DMD: variants seen among roughly 807,000 people sequenced by gnomAD.
DMD encodes mutant dystrophin.
Under a neutral mutation model 330.1 loss-of-function variants are expected in DMD, and 63 were observed. The ratio of observed to expected loss-of-function variants is 0.19; its 90% CI spans 0.16 to 0.24. The LOEUF (loss-of-function observed/expected upper bound fraction) is 0.24. DMD is among the 10% of genes least tolerant of loss of function. DMD has a pLI of 1.00. For missense variants in DMD, 3,344 were observed against 2,684.1 expected, an observed-to-expected ratio of 1.25 and a Z score of -5.43; for synonymous variants, 1,223 against 959.8, an observed-to-expected ratio of 1.27 and a Z score of -5.07.
intron 5 of DMD, 63 bp downstream of exon 5, chrX:32,823,232 G>C: frequency 1.1e-6 from 1 of 927,763 alleles, no homozygotes; most frequent in Non-Finnish European, 1.6e-6. Context: ...CACACGTCAA[G>C]GGTAAAAATT....
chrX:31,380,081 A>G, intron 60 of DMD, among the ~76,000 whole-genome samples: 1 of 110,376 alleles, frequency 9.1e-6, no homozygotes, highest in South Asian at 3.9e-4. Flanking sequence ...ATCAATACGG[A>G]GGCTACCCAC....
intron 44 of DMD, among the ~76,000 whole-genome samples, chrX:32,110,204 C>T (rs111239538): frequency 1.0e-3 from 116 of 111,774 alleles, no homozygotes; most frequent in South Asian, 1.9e-3. Flanking sequence ...AACCTACACA[C>T]GAAGGTTTTG....
At chrX:32,335,811 ATATG>A (rs1282420039) in intron 41 of DMD, among the ~76,000 whole-genome samples, 1 of 105,919 alleles carries the variant, frequency 9.4e-6, no homozygotes, top group Non-Finnish European at 1.9e-5. Context: ...ACACGTGTAT[ATATG>A]TATAACATGT....
At chrX:32,376,703 A>G (rs2097904339) in intron 34 of DMD, among the ~76,000 whole-genome samples, 1 of 109,625 alleles carries the variant, frequency 9.1e-6, no homozygotes, top group South Asian at 3.8e-4. Context: ...AAATGAGTAT[A>G]GAGAATCCAA....
intron 55 of DMD, among the ~76,000 whole-genome samples, chrX:31,510,620 G>A (rs2071414330): frequency 9.5e-6 from 1 of 105,624 alleles, no homozygotes. Context: ...CCATTCTCCT[G>A]CCTCAGCCTC....
chrX:31,343,620 A>C (rs4344231), intron 61 of DMD, among the ~76,000 whole-genome samples: 2 of 69,172 alleles, frequency 2.9e-5, no homozygotes, highest in Non-Finnish European at 5.6e-5. Context: ...TGTGTGTGTG[A>C]GAGAGAGAGA....
At chrX:33,044,158 G>A (rs5927134) in intron 1 of DMD, among the ~76,000 whole-genome samples, 14,947 of 111,348 alleles carry the variant, frequency 0.13, 840 homozygotes, top group East Asian at 0.39. Flanking sequence ...GAGCCCAGGC[G>A]CAGTGGCTCA....
In DMD at chrX:32,683,388, C is replaced by T. The variant is rs747119028; in HGVS notation, c.960+14482G>A. The stretch of plus-strand genomic sequence containing the variant: ...ACTCACAATAGCAAAGACTTGGAAT[C>T]AACCCAAATGTCCAACAATGATAGA... On this transcript the variant is annotated intron_variant, in intron 9 of 78. Transcript: ENST00000357033. 6.4e-5 allele frequency among the ~76,000 whole-genome samples: 7 copies of T among 109,858 alleles called. No homozygotes were observed. In the East Asian group the frequency reaches 2.0e-3, roughly 32 times the overall value.
In DMD at chrX:32,572,278, C is replaced by T. The variant is rs181358244; in HGVS notation, c.1812+1252G>A. Among the ~76,000 whole-genome samples the T allele has an allele frequency of 1.5e-4, 17 of 110,999 alleles. No individual in the cohort carries two copies. In the East Asian group the frequency reaches 2.5e-3, roughly 17 times the overall value. On this transcript the variant is annotated intron_variant, in intron 15 of 78. Coordinates refer to ENST00000357033, the MANE Select transcript of DMD (RefSeq NM_004006.3). ...CAAATAAATAGCTGGTAAAATGGTACGTATTTAAAATGAGTGGAAAAATTT... is the reference window on the plus strand; with the variant it reads ...CAAATAAATAGCTGGTAAAATGGTATGTATTTAAAATGAGTGGAAAAATTT...
chrX:31,553,675 AT>A (rs2074630322), intron 55 of DMD, among the ~76,000 whole-genome samples: 1 of 112,518 alleles, frequency 8.9e-6, no homozygotes, highest in South Asian at 3.7e-4. Context: ...GTATCATGTA[AT>A]TGACATTGCA....
Position 32,816,505 on chromosome X carries a change from C to G in DMD, c.493G>C (p.Asp165His). 1 of 1,211,591 alleles carries G rather than the reference C, an allele frequency of 8.3e-7. No individual in the cohort carries two copies. Among genetic ancestry groups the G allele is most frequent in the Non-Finnish European group, 1.1e-6 (1 of 895,362 alleles). ...NVINFTTSWS[D>H]GLALNALIHS... ...ATGAGAGCATTCAAAGCCAGGCCAT[C>G]AGACCAGCTGGTGGTGAAGTTGATT... The change falls in exon 6 of 79, where the codon GAT becomes CAT. Residue 165 changes from aspartate to histidine, a missense_variant. Transcript: ENST00000357033.
chrX:32,651,488 T>C (rs6527211), intron 9 of DMD, among the ~76,000 whole-genome samples: 9,105 of 111,760 alleles, frequency 0.081, 350 homozygotes, highest in African/African-American at 0.15. Flanking sequence ...TTTTTCTTAA[T>C]TTCCACAAAT....
intron 44 of DMD, among the ~76,000 whole-genome samples, chrX:32,184,645 C>G (rs1201009863): frequency 9.0e-6 from 1 of 111,026 alleles, no homozygotes; most frequent in East Asian, 2.8e-4. Context: ...AAAGAGTTAG[C>G]AACCACTCTT....
intron 4 of DMD, among the ~76,000 whole-genome samples, chrX:32,830,921 C>T (rs758955235): frequency 1.8e-5 from 2 of 111,251 alleles, no homozygotes. Context: ...GTAAGAATTG[C>T]ACATAGAAAA....
At chrX:33,207,069 T>C (rs2051620330) in intron 1 of DMD, among the ~76,000 whole-genome samples, 1 of 110,858 alleles carries the variant, frequency 9.0e-6, no homozygotes, top group East Asian at 2.8e-4. Context: ...TCTCTCTATA[T>C]GAGGACACTT....
At chrX:32,794,920 C>T (rs1261788357) in intron 7 of DMD, among the ~76,000 whole-genome samples, 1 of 111,725 alleles carries the variant, frequency 9.0e-6, no homozygotes, top group Admixed American at 9.5e-5. Context: ...CTATTTACAA[C>T]GGCTGGAAAT....
At chrX:32,009,075 G>A (rs954211140) in intron 44 of DMD, among the ~76,000 whole-genome samples, 3 of 111,333 alleles carry the variant, frequency 2.7e-5, no homozygotes, top group Non-Finnish European at 5.7e-5. Flanking sequence ...AGATGGGAAG[G>A]AAGCTAATCC....
chrX:32,881,984 G>C (rs781407906), intron 2 of DMD, among the ~76,000 whole-genome samples: 1 of 112,296 alleles, frequency 8.9e-6, no homozygotes, highest in African/African-American at 3.2e-5. Flanking sequence ...GTCCTTATTA[G>C]CAGTTCCCTA....
intron 1 of DMD, among the ~76,000 whole-genome samples, chrX:33,163,310 G>A (rs773007656): frequency 5.0e-4 from 55 of 109,744 alleles, no homozygotes; most frequent in African/African-American, 1.8e-3. Flanking sequence ...GCCGAGGCAG[G>A]TGGATCACCC....
Sources: gnomAD v4.1 joint callset for allele counts (sites outside exome capture counted in the v4.1 genomes callset) on GRCh38, gnomAD v4.1.1 for gene constraint, MANE v1.5 for transcripts, NCBI Gene and HGNC (gene_info 2026-07-23, HGNC 2026-07-21) for gene names.